GGA1: variants seen among roughly 807,000 people sequenced by gnomAD.
GGA1 encodes golgi associated, gamma adaptin ear containing, ARF binding protein 1.
GGA1 carries 18 observed loss-of-function variants against 76.9 expected under a neutral mutation model. That is an observed-to-expected ratio of 0.23 (90% confidence interval 0.16 to 0.35). The LOEUF (loss-of-function observed/expected upper bound fraction) is 0.35, where lower values mean the gene tolerates loss of function less well. Among genes scored for constraint, GGA1 ranks in the 10% least tolerant of loss-of-function variants. The probability of loss-of-function intolerance (pLI) is 1.00; values close to 1 mark genes in which losing one functional copy is unlikely to be tolerated. For missense variants in GGA1, 755 were observed against 859.0 expected (o/e 0.88, Z 1.51); for synonymous variants, 342 against 354.7 (o/e 0.96, Z 0.40).
At chr22:37,619,616 T>TC (rs1394083147) in intron 4 of GGA1, among the ~76,000 whole-genome samples, 1 of 152,216 alleles carries the variant, frequency 6.6e-6, no homozygotes, top group Non-Finnish European at 1.5e-5. Context: ...GACCTCATGA[T>TC]CCACCTGCAT....
chr22:37,627,268 G>A (rs1014238991), intron 11 of GGA1: 1 of 152,276 alleles, frequency 6.6e-6, no homozygotes, highest in African/African-American at 2.4e-5. Flanking sequence ...CTGAGCAGCT[G>A]GGCTGCTCTG....
chr22:37,620,412 C>G (rs1462790579), intron 5 of GGA1, 51 bp downstream of exon 5: 5 of 1,603,998 alleles, frequency 3.1e-6, no homozygotes, highest in Admixed American at 3.3e-5. Context: ...TCCCCTCCCC[C>G]ACCATGAGCT....
In GGA1 at chr22:37,621,738, G is replaced by A. The variant is rs760265718; in HGVS notation, c.609+42G>A. 3.5e-5 allele frequency: 48 copies of A among 1,353,610 alleles called. No homozygotes were observed. In the East Asian group the frequency reaches 1.0e-3, roughly 29 times the overall value. 83.8% of individuals were successfully genotyped at this position (1,353,610 alleles called of 1,614,324 possible). A position where few individuals can be genotyped will look rare whatever the true frequency, so the allele number is the denominator to read the frequency against. On this transcript the variant is annotated intron_variant, in intron 7 of 16. Transcript: ENST00000343632. The stretch of plus-strand genomic sequence containing the variant: ...GAGCACAGGGAGGAGGCGGGATGGG[G>A]GTATTGAGCTGGGCCACTGAGATGG...
Position 37,632,763 on chromosome 22 carries a change from C to T in GGA1, c.*52C>T, listed in dbSNP as rs1336173332. 1.8e-6 allele frequency: 2 copies of T among 1,108,680 alleles called. No individual in the cohort carries two copies. The highest frequency in any genetic ancestry group is 2.7e-6 in the Non-Finnish European group (2 of 741,694). 68.7% of individuals were successfully genotyped at this position (1,108,680 alleles called of 1,614,324 possible). On this transcript the variant is annotated 3_prime_UTR_variant, in exon 17 of 17. Coordinates refer to ENST00000343632, the MANE Select transcript of GGA1 (RefSeq NM_013365.5). The surrounding 1 kb of genome is among the most constrained non-coding windows in gnomAD (Gnocchi z 5.1). ...GCAGAGGGACCGGTCACTGTCCAGC[C>T]TGGAGGGAGGCATTGGTGGCCAAGG...
In GGA1 at chr22:37,623,216, C is replaced by T. The variant is rs1930198333; in HGVS notation, c.610-111C>T. The T allele has an allele frequency of 9.5e-7, 1 of 1,055,382 alleles. No individual in the cohort carries two copies. The highest frequency in any genetic ancestry group is 1.5e-6 in the Non-Finnish European group (1 of 686,112). 65.4% of individuals were successfully genotyped at this position (1,055,382 alleles called of 1,614,324 possible). A position where few individuals can be genotyped will look rare whatever the true frequency, so the allele number is the denominator to read the frequency against. Reference sequence around the variant, plus strand: ...GAGCCCCACCCAGAGTGTGATCCCACAGTCACCCAGCTGTCAACCCAGATC... The same window carrying T: ...GAGCCCCACCCAGAGTGTGATCCCATAGTCACCCAGCTGTCAACCCAGATC... On this transcript the variant is annotated intron_variant, in intron 7 of 16. Transcript: ENST00000343632. The surrounding 1 kb of genome is among the most constrained non-coding windows in gnomAD (Gnocchi z 4.6).
intron 6 of GGA1, 150 bp from the exon 7 acceptor site, chr22:37,621,466 A>G (rs1263971194): frequency 1.6e-6 from 1 of 609,734 alleles, no homozygotes; most frequent in Non-Finnish European, 3.0e-6. Flanking sequence ...CCACCCTATC[A>G]GGCATCAGTA....
intron 1 of GGA1, chr22:37,610,711 T>G (rs1399947134): frequency 6.6e-6 from 1 of 152,292 alleles, no homozygotes. Flanking sequence ...TAAATGATGT[T>G]ATTGTCAGCA....
At chr22:37,617,359 G>A (rs1929007287) in intron 3 of GGA1, 2 of 1,144,926 alleles carry the variant, frequency 1.7e-6, no homozygotes, top group Non-Finnish European at 2.2e-6. Flanking sequence ...TGCATCCAGA[G>A]ATCTGCACGT....
intron 13 of GGA1, chr22:37,630,625 G>T: frequency 2.0e-6 from 1 of 509,000 alleles, no homozygotes; most frequent in Non-Finnish European, 3.4e-6. Flanking sequence ...GGAGTACAGT[G>T]GCATGATCTC....
chr22:37,623,757 C>T lies in GGA1; in HGVS notation c.832+124C>T. ...AGCCACCACCAGGGGGCCCCCTTCTCCAGCACCGACCTTGGGTTTCTCCTC... is the reference window on the plus strand; with the variant it reads ...AGCCACCACCAGGGGGCCCCCTTCTTCAGCACCGACCTTGGGTTTCTCCTC... On this transcript the variant is annotated intron_variant, in intron 9 of 16. Transcript: ENST00000343632. This position sits in a 1 kb window ranked among gnomAD's most constrained non-coding sequence, Gnocchi z 4.6. The T allele has an allele frequency of 1.5e-6, 1 of 672,418 alleles. No homozygotes were observed. The highest frequency in any genetic ancestry group is 1.8e-5 in the South Asian group (1 of 55,526). 41.7% of individuals were successfully genotyped at this position (672,418 alleles called of 1,614,324 possible). A position where few individuals can be genotyped will look rare whatever the true frequency, so the allele number is the denominator to read the frequency against.
At chr22:37,614,312 C>A (rs1038050258) in intron 2 of GGA1, 38 bp downstream of exon 2, 1 of 1,392,248 alleles carries the variant, frequency 7.2e-7, no homozygotes, top group East Asian at 2.3e-5. Flanking sequence ...CTGCCCTGCA[C>A]TCTCCAGAAC....
chr22:37,608,849 G>C lies in GGA1; in HGVS notation c.-12G>C. Reference sequence around the variant, plus strand: ...GCGGGGGGGCGGTGCCGAGGCTGGGGGCCGGTGGCGGATGGAGCCCGCGAT... The same window carrying C: ...GCGGGGGGGCGGTGCCGAGGCTGGGCGCCGGTGGCGGATGGAGCCCGCGAT... On this transcript the variant is annotated 5_prime_UTR_variant, in exon 1 of 17. Coordinates refer to ENST00000343632, the MANE Select transcript of GGA1 (RefSeq NM_013365.5). The C allele has an allele frequency of 7.6e-7, 1 of 1,308,866 alleles. No individual in the cohort carries two copies. The highest frequency in any genetic ancestry group is 9.7e-7 in the Non-Finnish European group (1 of 1,030,552). 81.1% of individuals were successfully genotyped at this position (1,308,866 alleles called of 1,614,324 possible).
chr22:37,631,243 C>T (rs1931757330), intron 14 of GGA1, 144 bp downstream of exon 14: 1 of 612,026 alleles, frequency 1.6e-6, no homozygotes, highest in Non-Finnish European at 2.7e-6. Flanking sequence ...ACAAGGCCCT[C>T]CCCTTCCCAG....
At chr22:37,628,123 C>T (rs1157491123) in intron 11 of GGA1, among the ~76,000 whole-genome samples, 2 of 152,188 alleles carry the variant, frequency 1.3e-5, no homozygotes, top group African/African-American at 4.8e-5. Flanking sequence ...CCACTGCGCC[C>T]ACCTCTTTTT....
intron 4 of GGA1, among the ~76,000 whole-genome samples, chr22:37,618,964 C>T (rs1929328945): frequency 6.6e-6 from 1 of 152,230 alleles, no homozygotes; most frequent in Admixed American, 6.5e-5. Flanking sequence ...CTCCCTGGAC[C>T]TCAGCATCCA....
rs1190034977 is a variant in GGA1, at chr22:37,626,026, A to G, written c.1093+77A>G. The G allele has an allele frequency of 4.9e-6, 6 of 1,219,528 alleles. No individual in the cohort carries two copies. In the Admixed American group the frequency reaches 8.5e-5, roughly 17 times the overall value. The allele number at this position is 1,219,528 out of a possible 1,614,324, so 75.5% of individuals were successfully genotyped here. A position where few individuals can be genotyped will look rare whatever the true frequency, so the allele number is the denominator to read the frequency against. On this transcript the variant is annotated intron_variant, in intron 11 of 16. Coordinates refer to ENST00000343632, the MANE Select transcript of GGA1 (RefSeq NM_013365.5). ...ATGATCCCAGGGCCCACTCACAGCT[A>G]GCGGAACCACGTACCCCAGGTGTGG...
Position 37,614,202 on chromosome 22 carries a change from A to G in GGA1, c.56A>G (p.Asn19Ser). 2 of 1,612,896 alleles carry G rather than the reference A, an allele frequency of 1.2e-6. No individual in the cohort carries two copies. The highest frequency in any genetic ancestry group is 2.2e-5 in the East Asian group (1 of 44,860). Residue 19 changes from asparagine (N) to serine (S), a missense_variant, in exon 2 of 17, where the codon AAC (asparagine) becomes AGC (serine). Asn to Ser is a conservative substitution (Grantham distance 46). Coordinates refer to ENST00000343632, the MANE Select transcript of GGA1 (RefSeq NM_013365.5). ...TLEARINRAT[N>S]PLNKELDWAS... is the part of the protein sequence containing the mutation. ...TCTCCTCTTCCAGATAGAGCCACGA[A>G]CCCCCTGAACAAGGAGCTCGACTGG... is the stretch of plus-strand genomic sequence containing the variant.
Position 37,631,050 on chromosome 22 carries a change from C to T in GGA1, c.1479C>T (p.Thr493=), listed in dbSNP as rs139491474. 1.1e-4 allele frequency: 183 copies of T among 1,608,734 alleles called. No homozygotes were observed. Among genetic ancestry groups the T allele is most frequent in the African/African-American group, 7.9e-4 (59 of 74,648 alleles). The change falls in exon 14 of 17, where the codon ACC becomes ACT. Residue 493 remains threonine, a synonymous_variant. Transcript: ENST00000343632. Reference sequence around the variant, plus strand: ...GGCCTCCGCAGCAGCCCGTACCAACCGAGCTCTCACTGGCCAGCATCACTG... The same window carrying T: ...GGCCTCCGCAGCAGCCCGTACCAACTGAGCTCTCACTGGCCAGCATCACTG... The part of the protein sequence containing the change: ...PPRPPQQPVP[T]ELSLASITVP...
At chr22:37,614,070 C>A (rs1601505191) in intron 1 of GGA1, 120 bp from the exon 2 acceptor site, 1 of 733,426 alleles carries the variant, frequency 1.4e-6, no homozygotes, top group Non-Finnish European at 2.5e-6. Context: ...AGGGGGAGAG[C>A]TTTCCCACGT....
Sources: gnomAD v4.1 joint callset for allele counts (sites outside exome capture counted in the v4.1 genomes callset) on GRCh38, gnomAD v4.1.1 for gene constraint, Gnocchi (gnomAD v3.1) non-coding constraint, MANE v1.5 for transcripts, NCBI Gene and HGNC (gene_info 2026-07-23, HGNC 2026-07-21) for gene names.